The following PDE4B variants were observed in gnomAD, a reference collection of about 807,000 sequenced individuals.
PDE4B encodes phosphodiesterase 4B.
PDE4B carries 20 observed loss-of-function variants against 82.2 expected under a neutral mutation model. The observed-to-expected ratio is 0.24, with a 90% CI of 0.17 to 0.35. The LOEUF (loss-of-function observed/expected upper bound fraction) is 0.35, where lower values mean the gene tolerates loss of function less well. PDE4B is among the 10% of genes least tolerant of loss of function. PDE4B has a pLI of 1.00. For missense variants in PDE4B, 655 were observed against 907.2 expected, an observed-to-expected ratio of 0.72 and a Z score of 3.57; for synonymous variants, 320 against 318.9, an observed-to-expected ratio of 1.00 and a Z score of -0.04.
chr1:65,940,762 A>G (rs1238177158), intron 3 of PDE4B, among the ~76,000 whole-genome samples: 1 of 152,122 alleles, frequency 6.6e-6, no homozygotes, highest in African/African-American at 2.4e-5. Flanking sequence ...AAACCAAAAG[A>G]TCAATTTTGG....
At chr1:65,995,548 C>T (rs1227660305) in intron 3 of PDE4B, among the ~76,000 whole-genome samples, 1 of 152,170 alleles carries the variant, frequency 6.6e-6, no homozygotes, top group Non-Finnish European at 1.5e-5. Flanking sequence ...TCTGCTCTAC[C>T]TCCTGTCTCT....
chr1:65,805,112 G>A (rs988384148), intron 1 of PDE4B, among the ~76,000 whole-genome samples: 1 of 151,822 alleles, frequency 6.6e-6, no homozygotes, highest in African/African-American at 2.4e-5. Flanking sequence ...TTACAGGCGT[G>A]CACCACCAAG....
rs11433160 is a variant in PDE4B at position 66,358,674 on chromosome 1, C to CAA, written c.842-2924_842-2923dup. Among the ~76,000 whole-genome samples the CAA allele has an allele frequency of 3.2e-3, 362 of 112,500 alleles. 3 individuals are homozygous for CAA. The highest frequency in any genetic ancestry group is 9.8e-3 in the South Asian group (34 of 3,462). 73.8% of individuals were successfully genotyped at this position (112,500 alleles called of 152,430 possible). On this transcript the variant is annotated intron_variant, in intron 9 of 16. Transcript: ENST00000341517. ...GGGCGAGAAGAGCAAAACTCTGTCT[C>CAA]AAAAAAAAAAAAAAAAAAGTATTAA...
At chr1:66,024,030 T>A (rs1353951494) in intron 3 of PDE4B, among the ~76,000 whole-genome samples, 1 of 152,122 alleles carries the variant, frequency 6.6e-6, no homozygotes, top group African/African-American at 2.4e-5. Flanking sequence ...TCAGGCGGTT[T>A]ATTTTTTACC....
intron 8 of PDE4B, among the ~76,000 whole-genome samples, chr1:66,350,931 A>G (rs961146070): frequency 1.3e-5 from 2 of 152,238 alleles, no homozygotes; most frequent in Non-Finnish European, 2.9e-5. Context: ...TTTATTACCT[A>G]TTCTCTACTT....
At chr1:65,888,861 G>C (rs1255275978) in intron 1 of PDE4B, among the ~76,000 whole-genome samples, 1 of 151,956 alleles carries the variant, frequency 6.6e-6, no homozygotes, top group Non-Finnish European at 1.5e-5. Context: ...GGAGTCTATA[G>C]ATTTTTTTCT....
chr1:66,046,089 G>C (rs1033879203), intron 3 of PDE4B: 9 of 151,840 alleles, frequency 5.9e-5, no homozygotes, highest in African/African-American at 1.9e-4. Flanking sequence ...AGGAAAACCA[G>C]TTAGGAAGTG....
At chr1:65,986,362 T>TG (rs1650954065) in intron 3 of PDE4B, among the ~76,000 whole-genome samples, 1 of 152,170 alleles carries the variant, frequency 6.6e-6, no homozygotes, top group Non-Finnish European at 1.5e-5. Context: ...TGACTCTTCT[T>TG]ATGGAAGTTG....
chr1:66,275,610 G>A (rs867210226), intron 7 of PDE4B, among the ~76,000 whole-genome samples: 34 of 152,292 alleles, frequency 2.2e-4, no homozygotes, highest in African/African-American at 7.7e-4. Context: ...GAGGACCACC[G>A]AAGTTCCTTT....
chr1:65,956,294 G>T (rs1167003571), intron 3 of PDE4B, among the ~76,000 whole-genome samples: 3 of 152,064 alleles, frequency 2.0e-5, no homozygotes, highest in African/African-American at 4.8e-5. Flanking sequence ...TTGGGTGAAT[G>T]GTCCTGTTTT....
intron 3 of PDE4B, among the ~76,000 whole-genome samples, chr1:66,157,710 T>C (rs1008943563): frequency 2.0e-4 from 30 of 152,218 alleles, no homozygotes; most frequent in African/African-American, 7.2e-4. Flanking sequence ...TTTCTCTCAG[T>C]GGAATATAAT....
chr1:65,928,184 C>T (rs555448036), intron 3 of PDE4B, among the ~76,000 whole-genome samples: 1 of 152,308 alleles, frequency 6.6e-6, no homozygotes, highest in African/African-American at 2.4e-5. Flanking sequence ...GGTCCTTCCT[C>T]AAGGGTACCT....
intron 3 of PDE4B, among the ~76,000 whole-genome samples, chr1:66,226,806 G>C (rs1334332077): frequency 3.3e-5 from 5 of 152,176 alleles, no homozygotes; most frequent in Non-Finnish European, 7.3e-5. Context: ...AGTTTTTAAA[G>C]TTTACTCTGA....
intron 3 of PDE4B, among the ~76,000 whole-genome samples, chr1:66,130,894 T>C (rs1645927532): frequency 6.6e-6 from 1 of 152,228 alleles, no homozygotes; most frequent in African/African-American, 2.4e-5. Context: ...TCTTAAAGAT[T>C]CAGATTCTAT....
chr1:65,915,375 C>T (rs187297212), intron 2 of PDE4B, among the ~76,000 whole-genome samples: 1 of 152,280 alleles, frequency 6.6e-6, no homozygotes, highest in Admixed American at 6.5e-5. Context: ...TCATTTGCTG[C>T]TTTCCATAAT....
chr1:66,331,838 C>T (rs570662709), intron 7 of PDE4B: 1 of 985,248 alleles, frequency 1.0e-6, no homozygotes, highest in East Asian at 1.1e-4. Context: ...GGAGTCTTAT[C>T]AGGGAGACCT....
At chr1:66,194,112 CT>C (rs1648066708) in intron 3 of PDE4B, among the ~76,000 whole-genome samples, 1 of 152,014 alleles carries the variant, frequency 6.6e-6, no homozygotes, top group Admixed American at 6.6e-5. Context: ...TAGAAAACAG[CT>C]CACATAATGA....
rs559619138 is a variant in PDE4B, at chr1:65,885,808, T to A, written c.-70-27437T>A. 2.0e-5 allele frequency among the ~76,000 whole-genome samples: 3 copies of A among 151,306 alleles called. No homozygotes were observed. The East Asian group carries it at 5.8e-4, about 29-fold the overall frequency. The stretch of plus-strand genomic sequence containing the variant: ...CACACCAACATGGCACATGTATACA[T>A]ATGTAACAAACCTGCATGTTGTGCA... On this transcript the variant is annotated intron_variant, in intron 1 of 16. Transcript: ENST00000341517.
chr1:65,975,430 C>T (rs187093835), intron 3 of PDE4B, among the ~76,000 whole-genome samples: 2 of 152,306 alleles, frequency 1.3e-5, no homozygotes, highest in East Asian at 3.9e-4. Flanking sequence ...TGTAAAAGTT[C>T]AGAAAATTTG....
Sources: allele counts gnomAD v4.1 joint callset (sites outside exome capture counted in the v4.1 genomes callset), GRCh38; gene constraint gnomAD v4.1.1; transcripts MANE v1.5; gene names NCBI Gene and HGNC (gene_info 2026-07-23, HGNC 2026-07-21).